The following SGCD variants were observed in gnomAD, a reference collection of about 807,000 sequenced individuals.
SGCD encodes sarcoglycan delta, also known as delta-sarcoglycan.
In SGCD, 18 loss-of-function variants were observed where a neutral mutation model predicts 36.6. That is an observed-to-expected ratio of 0.49 (90% confidence interval 0.34 to 0.73). SGCD has a LOEUF of 0.73. Ranked by LOEUF, SGCD falls within the 30% of genes least tolerant of loss-of-function variation. The probability of loss-of-function intolerance (pLI) is 0.01; values close to 1 mark genes in which losing one functional copy is unlikely to be tolerated. For synonymous variants in SGCD, 133 were observed against 130.6 expected, an observed-to-expected ratio of 1.02 and a Z score of -0.12; for missense variants, 387 against 346.7, an observed-to-expected ratio of 1.12 and a Z score of -0.92.
At chr5:156,640,526 A>G (rs751186929) in intron 6 of SGCD, among the ~76,000 whole-genome samples, 7 of 146,572 alleles carry the variant, frequency 4.8e-5, no homozygotes, top group South Asian at 2.2e-4. Flanking sequence ...TTCTTACTGA[A>G]CATTGCCTCA....
intron 7 of SGCD, among the ~76,000 whole-genome samples, chr5:156,696,351 G>A (rs1010377333): frequency 3.9e-5 from 6 of 152,150 alleles, no homozygotes; most frequent in Non-Finnish European, 7.4e-5. Context: ...TTTTGAATAT[G>A]TTCTTCCTCT....
intron 4 of SGCD, among the ~76,000 whole-genome samples, chr5:156,566,478 G>A (rs1273600289): frequency 6.6e-6 from 1 of 152,114 alleles, no homozygotes; most frequent in Non-Finnish European, 1.5e-5. Flanking sequence ...CTACTTAGCA[G>A]TCTGTGGTCT....
At chr5:156,286,329 T>C (rs1019107073) in intron 3 of SGCD, among the ~76,000 whole-genome samples, 2 of 152,200 alleles carry the variant, frequency 1.3e-5, no homozygotes, top group East Asian at 1.9e-4. Context: ...ACTGGGTATA[T>C]ACCCAAAGGA....
chr5:155,774,355 A>T, the SGCD span, among the ~76,000 whole-genome samples: 1 of 152,290 alleles, frequency 6.6e-6, no homozygotes, highest in South Asian at 2.1e-4. Context: ...GGAAGCAGAA[A>T]TCAAATACTA....
intron 3 of SGCD, among the ~76,000 whole-genome samples, chr5:156,367,614 A>G (rs17053484): frequency 0.16 from 24,923 of 152,116 alleles, 3,079 homozygotes; most frequent in African/African-American, 0.35. Context: ...TAGATCTTTG[A>G]CCCTGAAGGG....
intron 3 of SGCD, among the ~76,000 whole-genome samples, chr5:156,460,081 T>C (rs1453547481): frequency 6.6e-6 from 1 of 152,122 alleles, no homozygotes; most frequent in Non-Finnish European, 1.5e-5. Flanking sequence ...GAGCTGAAGG[T>C]CAATTAGAAC....
At chr5:155,888,996 A>G (rs1272722665) in intron 1 of SGCD, among the ~76,000 whole-genome samples, 3 of 152,196 alleles carry the variant, frequency 2.0e-5, no homozygotes, top group Non-Finnish European at 2.9e-5. Context: ...GCTTTCACGA[A>G]GTGACTTTTT....
intron 1 of SGCD, among the ~76,000 whole-genome samples, chr5:155,880,154 A>G (rs1755852247): frequency 6.6e-6 from 1 of 152,044 alleles, no homozygotes; most frequent in African/African-American, 2.4e-5. Context: ...ACTTGGGGCA[A>G]ATCCCCTCCT....
intron 3 of SGCD, among the ~76,000 whole-genome samples, chr5:156,306,333 G>A (rs901921650): frequency 6.6e-6 from 1 of 152,126 alleles, no homozygotes; most frequent in Non-Finnish European, 1.5e-5. Flanking sequence ...ATAAGGGGGG[G>A]TTTCCCTGCA....
chr5:156,511,669 A>C (rs1394334085), intron 4 of SGCD, among the ~76,000 whole-genome samples: 2 of 152,198 alleles, frequency 1.3e-5, no homozygotes, highest in Admixed American at 1.3e-4. Flanking sequence ...GTCGTATATA[A>C]ACAGCACATT....
chr5:156,342,084 G>C (rs1421378638), intron 2 of SGCD, among the ~76,000 whole-genome samples: 1 of 152,194 alleles, frequency 6.6e-6, no homozygotes, highest in Admixed American at 6.5e-5. Context: ...TTAGTCAAGA[G>C]AATCACTGCA....
the SGCD span, among the ~76,000 whole-genome samples, chr5:155,864,743 AAAC>A: frequency 0.29 from 43,641 of 151,966 alleles, 7,471 homozygotes; most frequent in East Asian, 0.5. Flanking sequence ...TAAACTACAA[AAAC>A]AACATTTGCA....
intron 1 of SGCD, among the ~76,000 whole-genome samples, chr5:156,092,530 A>G (rs1761269654): frequency 6.6e-6 from 1 of 152,192 alleles, no homozygotes; most frequent in Non-Finnish European, 1.5e-5. Context: ...CCAATTTTTG[A>G]ACCCTTGAGG....
chr5:155,820,016 T>C, the SGCD span, among the ~76,000 whole-genome samples: 1 of 152,188 alleles, frequency 6.6e-6, no homozygotes, highest in Admixed American at 6.5e-5. Flanking sequence ...CGGAGGTGGA[T>C]AGATGAGATT....
At chr5:155,768,177 G>A in the SGCD span, among the ~76,000 whole-genome samples, 1 of 152,026 alleles carries the variant, frequency 6.6e-6, no homozygotes, top group Non-Finnish European at 1.5e-5. Context: ...TTTGTATTAG[G>A]AATTGTCTAT....
At chr5:156,157,554 TGTA>T (rs1397206217) in intron 3 of SGCD, among the ~76,000 whole-genome samples, 1 of 151,726 alleles carries the variant, frequency 6.6e-6, no homozygotes, top group Non-Finnish European at 1.5e-5. Flanking sequence ...GGACTAGAAA[TGTA>T]GTGTTGAATC....
the SGCD span, among the ~76,000 whole-genome samples, chr5:155,830,004 C>T: frequency 6.6e-6 from 1 of 152,100 alleles, no homozygotes; most frequent in Non-Finnish European, 1.5e-5. Flanking sequence ...TAGAAAATGA[C>T]ATCATTTCTA....
intron 4 of SGCD, 87 bp downstream of exon 4, chr5:156,508,789 A>C (rs900060458): frequency 5.3e-6 from 4 of 751,940 alleles, no homozygotes; most frequent in Non-Finnish European, 8.8e-6. Flanking sequence ...CTGAGTACAG[A>C]GAATTGGGGT....
chr5:155,747,987 T>TA, the SGCD span, among the ~76,000 whole-genome samples: 1 of 152,210 alleles, frequency 6.6e-6, no homozygotes, highest in Non-Finnish European at 1.5e-5. Flanking sequence ...TTGACCACCT[T>TA]AAAATTATTC....
Sources: allele counts gnomAD v4.1 joint callset (sites outside exome capture counted in the v4.1 genomes callset), GRCh38; gene constraint gnomAD v4.1.1; transcripts MANE v1.5; gene names NCBI Gene and HGNC (gene_info 2026-07-23, HGNC 2026-07-21).